Variants in SLC24A2 observed in about 807,000 individuals in gnomAD.
SLC24A2 encodes sodium/potassium/calcium exchanger 2.
SLC24A2 carries 36 observed loss-of-function variants against 62.0 expected under a neutral mutation model. The ratio of observed to expected loss-of-function variants is 0.58; its 90% CI spans 0.44 to 0.77. The LOEUF (loss-of-function observed/expected upper bound fraction) is 0.77, where lower values mean the gene tolerates loss of function less well. Among genes scored for constraint, SLC24A2 ranks in the 30% least tolerant of loss-of-function variants. The pLI, the probability that SLC24A2 is intolerant of heterozygous loss-of-function variation, is 0.00. For synonymous variants in SLC24A2, 358 were observed against 294.0 expected, an observed-to-expected ratio of 1.22 and a Z score of -2.23; for missense variants, 846 against 817.9, an observed-to-expected ratio of 1.03 and a Z score of -0.42.
chr9:19,975,408 T>C, the SLC24A2 span, among the ~76,000 whole-genome samples: 4 of 152,302 alleles, frequency 2.6e-5, no homozygotes, highest in East Asian at 7.7e-4. Context: ...ATACTTCTTG[T>C]CCATCTCGTG....
chr9:19,781,986 C>A (rs1823032470), intron 2 of SLC24A2, among the ~76,000 whole-genome samples: 1 of 152,218 alleles, frequency 6.6e-6, no homozygotes, highest in Admixed American at 6.5e-5. Flanking sequence ...CCCTTTACAG[C>A]TTTTCAGAAA....
chr9:19,939,235 G>A, the SLC24A2 span, among the ~76,000 whole-genome samples: 1 of 152,216 alleles, frequency 6.6e-6, no homozygotes, highest in Non-Finnish European at 1.5e-5. Flanking sequence ...GTTAGGTTTT[G>A]AGAAATGTGT....
At chr9:19,563,489 T>C (rs917165375) in intron 7 of SLC24A2, among the ~76,000 whole-genome samples, 2 of 152,180 alleles carry the variant, frequency 1.3e-5, no homozygotes, top group South Asian at 2.1e-4. Context: ...AAGGATAATA[T>C]TTTAGGAAGA....
the SLC24A2 span, among the ~76,000 whole-genome samples, chr9:20,071,140 A>G: frequency 6.6e-6 from 1 of 152,160 alleles, no homozygotes; most frequent in East Asian, 1.9e-4. Flanking sequence ...AGGCCACTCT[A>G]GAAGCAGAAG....
the SLC24A2 span, among the ~76,000 whole-genome samples, chr9:19,845,032 G>T: frequency 6.6e-6 from 1 of 150,938 alleles, no homozygotes; most frequent in African/African-American, 2.4e-5. Flanking sequence ...TTAGAATAGC[G>T]TTTTTTAATT....
chr9:20,004,463 C>G, the SLC24A2 span, among the ~76,000 whole-genome samples: 1 of 152,196 alleles, frequency 6.6e-6, no homozygotes, highest in Non-Finnish European at 1.5e-5. Flanking sequence ...TCCTAACTAT[C>G]TTATCATGAA....
At chr9:20,283,817 T>C in the SLC24A2 span, among the ~76,000 whole-genome samples, 2 of 151,420 alleles carry the variant, frequency 1.3e-5, no homozygotes, top group African/African-American at 2.4e-5. Context: ...ACGAAAGGTG[T>C]AGGATTCCCG....
chr9:19,518,365 G>A (rs1005943655), intron 10 of SLC24A2, among the ~76,000 whole-genome samples: 8 of 151,718 alleles, frequency 5.3e-5, no homozygotes, highest in Non-Finnish European at 1.5e-5. Flanking sequence ...AATTTCAAAA[G>A]GTTGGTGAGT....
At chr9:19,704,744 G>A (rs1820459789) in intron 2 of SLC24A2, among the ~76,000 whole-genome samples, 1 of 151,416 alleles carries the variant, frequency 6.6e-6, no homozygotes, top group Non-Finnish European at 1.5e-5. Context: ...TGTGAAGGAG[G>A]TCTGTGTAAC....
At chr9:19,931,642 C>A in the SLC24A2 span, among the ~76,000 whole-genome samples, 1 of 152,164 alleles carries the variant, frequency 6.6e-6, no homozygotes, top group African/African-American at 2.4e-5. Context: ...ATGTTATCTT[C>A]AAATTAGGGT....
the SLC24A2 span, among the ~76,000 whole-genome samples, chr9:20,283,920 G>A: frequency 2.0e-5 from 3 of 152,144 alleles, no homozygotes; most frequent in South Asian, 2.1e-4. Context: ...TCCTTTTTCC[G>A]GTGGCATGTG....
chr9:19,643,376 T>G (rs1818557940), intron 2 of SLC24A2, among the ~76,000 whole-genome samples: 1 of 152,232 alleles, frequency 6.6e-6, no homozygotes, highest in Non-Finnish European at 1.5e-5. Flanking sequence ...ATTTAGCTTA[T>G]TTTTTGACAA....
intron 7 of SLC24A2, among the ~76,000 whole-genome samples, chr9:19,552,677 C>A (rs1586945631): frequency 6.6e-6 from 1 of 152,184 alleles, no homozygotes; most frequent in Admixed American, 6.5e-5. Context: ...TTCAAGCTAA[C>A]CTTTTTCTGA....
the SLC24A2 span, among the ~76,000 whole-genome samples, chr9:20,280,665 C>T: frequency 2.0e-5 from 3 of 152,156 alleles, no homozygotes; most frequent in East Asian, 1.9e-4. Flanking sequence ...TACCGAAAGA[C>T]ATGTCCACAT....
At chr9:19,838,781 A>G in the SLC24A2 span, among the ~76,000 whole-genome samples, 1 of 151,898 alleles carries the variant, frequency 6.6e-6, no homozygotes, top group East Asian at 1.9e-4. Context: ...AAAAAAAAAA[A>G]AAACCCTAGA....
chr9:19,897,042 T>C, the SLC24A2 span, among the ~76,000 whole-genome samples: 1 of 152,152 alleles, frequency 6.6e-6, no homozygotes, highest in Non-Finnish European at 1.5e-5. Context: ...CCTACACTGA[T>C]AGAACTTGGA....
intron 5 of SLC24A2, among the ~76,000 whole-genome samples, chr9:19,580,222 G>A (rs1308794796): frequency 6.6e-6 from 1 of 152,184 alleles, no homozygotes; most frequent in Admixed American, 6.5e-5. Context: ...ATTCTTTGTC[G>A]CAACTAATAT....
At chr9:20,123,758 T>C in the SLC24A2 span, among the ~76,000 whole-genome samples, 4 of 152,204 alleles carry the variant, frequency 2.6e-5, no homozygotes, top group African/African-American at 9.6e-5. Flanking sequence ...CTTTAATTAT[T>C]TCTCCTTCTC....
intron 2 of SLC24A2, among the ~76,000 whole-genome samples, chr9:19,765,444 C>T (rs1021723924): frequency 2.0e-5 from 3 of 152,126 alleles, no homozygotes; most frequent in Admixed American, 6.5e-5. Context: ...CCTGATTTTC[C>T]TTTCCATATT....
Sources: gnomAD v4.1 joint callset for allele counts (sites outside exome capture counted in the v4.1 genomes callset) on GRCh38, gnomAD v4.1.1 for gene constraint, MANE v1.5 for transcripts, NCBI Gene and HGNC (gene_info 2026-07-23, HGNC 2026-07-21) for gene names.